The following VGLL4 variants were observed in gnomAD, a reference collection of about 807,000 sequenced individuals.
The protein encoded by VGLL4 is transcription cofactor vestigial-like protein 4.
In VGLL4, 7 loss-of-function variants were observed where a neutral mutation model predicts 21.0. The observed-to-expected ratio is 0.33, with a 90% CI of 0.19 to 0.63. The LOEUF is 0.63. Ranked by LOEUF, VGLL4 falls within the 20% of genes least tolerant of loss-of-function variation. VGLL4 has a pLI of 0.78. For missense variants in VGLL4, 394 were observed against 425.7 expected (o/e 0.93, Z 0.66); for synonymous variants, 222 against 173.2 (o/e 1.28, Z -2.21).
intron 3 of VGLL4, among the ~76,000 whole-genome samples, chr3:11,562,140 C>T (rs189336317): frequency 1.1e-4 from 16 of 152,150 alleles, no homozygotes; most frequent in East Asian, 1.9e-4. Context: ...TCAAGTGATC[C>T]GCCGCCTCAA....
intron 2 of VGLL4, among the ~76,000 whole-genome samples, chr3:11,687,875 G>A (rs1306192683): frequency 2.0e-5 from 3 of 151,920 alleles, no homozygotes; most frequent in African/African-American, 7.3e-5. Flanking sequence ...TACTTGAGTT[G>A]TGTCTTGCTC....
chr3:11,625,916 C>T (rs1019497784), intron 1 of VGLL4, among the ~76,000 whole-genome samples: 3 of 152,020 alleles, frequency 2.0e-5, no homozygotes, highest in Non-Finnish European at 4.4e-5. Flanking sequence ...GAGAGTGAAA[C>T]GGGTCAAGGT....
At chr3:11,664,326 C>T (rs1253939947) in intron 2 of VGLL4, among the ~76,000 whole-genome samples, 1 of 152,082 alleles carries the variant, frequency 6.6e-6, no homozygotes, top group Non-Finnish European at 1.5e-5. Context: ...AACCAGAGTC[C>T]AGTGCACTAC....
chr3:11,697,153 G>GT (rs1435585877), intron 2 of VGLL4, among the ~76,000 whole-genome samples: 2 of 152,134 alleles, frequency 1.3e-5, no homozygotes, highest in Non-Finnish European at 2.9e-5. Flanking sequence ...CAGGCCTGAG[G>GT]GCAGTGGCGC....
At chr3:11,561,244 G>C (rs1319698563) in intron 3 of VGLL4, among the ~76,000 whole-genome samples, 1 of 152,194 alleles carries the variant, frequency 6.6e-6, no homozygotes, top group Admixed American at 6.5e-5. Context: ...TCGAGCACAG[G>C]GAGGGGGAAT....
rs893799048 is a variant in VGLL4, at chr3:11,633,234, G to C, written c.82+10203C>G. The C allele has an allele frequency of 2.6e-5, 4 of 152,240 alleles. No homozygotes were observed. The South Asian group carries it at 8.3e-4, about 32-fold the overall frequency. The allele number at this position is 152,240 out of a possible 1,614,324, so 9.4% of individuals were successfully genotyped here. A position where few individuals can be genotyped will look rare whatever the true frequency, so the allele number is the denominator to read the frequency against. On this transcript the variant is annotated intron_variant, in intron 1 of 4. Transcript: ENST00000430365. Reference sequence around the variant, plus strand: ...ACAACACTTGCCTGGTGTGAAGAACGAGTAGCTGCAAGACAAAATCCTAGC... The same window carrying C: ...ACAACACTTGCCTGGTGTGAAGAACCAGTAGCTGCAAGACAAAATCCTAGC...
intron 2 of VGLL4, among the ~76,000 whole-genome samples, chr3:11,684,173 T>C (rs2076413195): frequency 6.6e-6 from 1 of 152,084 alleles, no homozygotes; most frequent in Non-Finnish European, 1.5e-5. Flanking sequence ...ATCACACCAC[T>C]GCACTCCAGT....
intron 2 of VGLL4, among the ~76,000 whole-genome samples, chr3:11,690,757 A>G (rs2076515745): frequency 6.6e-6 from 1 of 152,206 alleles, no homozygotes; most frequent in Non-Finnish European, 1.5e-5. Flanking sequence ...CAAGGAATCA[A>G]AAGTTTGATC....
intron 2 of VGLL4, among the ~76,000 whole-genome samples, chr3:11,661,438 T>A (rs1472294987): frequency 6.8e-6 from 1 of 147,664 alleles, no homozygotes; most frequent in East Asian, 2.0e-4. Flanking sequence ...TTTTTCCTTT[T>A]ATTTATTTAT....
intron 2 of VGLL4, among the ~76,000 whole-genome samples, chr3:11,567,432 C>T (rs775429719): frequency 2.2e-4 from 34 of 152,024 alleles, no homozygotes; most frequent in Non-Finnish European, 4.9e-4. Context: ...ATCTTAAAAG[C>T]AATTAAGGAT....
chr3:11,646,198 G>A (rs999768242), upstream of VGLL4, among the ~76,000 whole-genome samples: 1 of 152,124 alleles, frequency 6.6e-6, no homozygotes, highest in South Asian at 2.1e-4. Flanking sequence ...ATACTTAATG[G>A]TATTTGGTGG....
chr3:11,602,720 T>C lies in VGLL4; in HGVS notation c.83-698A>G, dbSNP rs536539382. On this transcript the variant is annotated intron_variant, in intron 1 of 4. Transcript: ENST00000430365. ...TCGAAGTTAGGCAATCAAATTAGGG[T>C]CCACATTTCCATTTGATTTGACATC... is the stretch of plus-strand genomic sequence containing the variant. Among the ~76,000 whole-genome samples the C allele has an allele frequency of 2.6e-5, 4 of 152,274 alleles. No individual in the cohort carries two copies. In the South Asian group the frequency reaches 8.3e-4, roughly 32 times the overall value.
chr3:11,678,329 T>C (rs2076323510), intron 2 of VGLL4, among the ~76,000 whole-genome samples: 1 of 152,184 alleles, frequency 6.6e-6, no homozygotes, highest in Admixed American at 6.5e-5. Flanking sequence ...GTGCTGGGAT[T>C]ACAGGCGTGA....
At position 11,568,507 on chromosome 3, in the gene VGLL4, C is replaced by T. The variant is rs138514933; in HGVS notation, c.273-3488G>A. The stretch of plus-strand genomic sequence containing the variant: ...TGGAAAGACAGTCCGTGGAACACAG[C>T]ACAGTGGGCACTATGGGTCAGACAA... On this transcript the variant is annotated intron_variant, in intron 2 of 4. Transcript: ENST00000430365. The surrounding 1 kb of genome is among the most constrained non-coding windows in gnomAD (Gnocchi z 5.9). 619 of 1,484,854 alleles carry T rather than the reference C, an allele frequency of 4.2e-4. 9 individuals are homozygous for T. In the East Asian group the frequency reaches 0.014, roughly 34 times the overall value. The allele number at this position is 1,484,854 out of a possible 1,614,324, so 92.0% of individuals were successfully genotyped here. A position where few individuals can be genotyped will look rare whatever the true frequency, so the allele number is the denominator to read the frequency against.
chr3:11,590,979 A>G (rs1322510858), intron 2 of VGLL4, among the ~76,000 whole-genome samples: 3 of 152,186 alleles, frequency 2.0e-5, no homozygotes, highest in Non-Finnish European at 2.9e-5. Context: ...CTTCATATAC[A>G]TTCAGGACAA....
intron 1 of VGLL4, among the ~76,000 whole-genome samples, chr3:11,608,043 T>G (rs1440094681): frequency 1.3e-5 from 2 of 152,200 alleles, no homozygotes; most frequent in Non-Finnish European, 2.9e-5. Flanking sequence ...AAAAGGAACT[T>G]ATCTTGGGAG....
intron 1 of VGLL4, among the ~76,000 whole-genome samples, chr3:11,706,037 G>A (rs2076757014): frequency 6.6e-6 from 1 of 152,120 alleles, no homozygotes. Context: ...ACCCCATTAA[G>A]TTGAAGGACA....
chr3:11,719,159 T>G lies in VGLL4; in HGVS notation c.-14+1235A>C, dbSNP rs960949986. Reference sequence around the variant, plus strand: ...CCGCAGTCCACATCACAGCCCTCCCTGAGGCCGGCGGGGACCGCGGGGTGC... The same window carrying G: ...CCGCAGTCCACATCACAGCCCTCCCGGAGGCCGGCGGGGACCGCGGGGTGC... On this transcript the variant is annotated intron_variant, in intron 1 of 5. Coordinates refer to the VGLL4 transcript ENST00000273038. The surrounding 1 kb of genome is among the most constrained non-coding windows in gnomAD (Gnocchi z 4.0). Among the ~76,000 whole-genome samples, 2 of 152,098 alleles carry G rather than the reference T, an allele frequency of 1.3e-5. No individual in the cohort carries two copies. The highest frequency in any genetic ancestry group is 2.9e-5 in the Non-Finnish European group (2 of 67,994).
intron 2 of VGLL4, among the ~76,000 whole-genome samples, chr3:11,669,956 A>C (rs2076179767): frequency 6.6e-6 from 1 of 152,184 alleles, no homozygotes; most frequent in Admixed American, 6.5e-5. Flanking sequence ...ACACCCAGCT[A>C]GAATATCACT....
Sources: gnomAD v4.1 joint callset for allele counts (sites outside exome capture counted in the v4.1 genomes callset) on GRCh38, gnomAD v4.1.1 for gene constraint, Gnocchi (gnomAD v3.1) non-coding constraint, MANE v1.5 for transcripts, NCBI Gene and HGNC (gene_info 2026-07-23, HGNC 2026-07-21) for gene names.